VGLL4: variants seen among roughly 807,000 people sequenced by gnomAD.
VGLL4 encodes vestigial like family member 4, also known as transcription cofactor vestigial-like protein 4.
In VGLL4, 7 loss-of-function variants were observed where a neutral mutation model predicts 21.0. That is an observed-to-expected ratio of 0.33 (90% CI 0.19 to 0.63). The LOEUF is 0.63. Ranked by LOEUF, VGLL4 falls within the 20% of genes least tolerant of loss-of-function variation. VGLL4 has a pLI of 0.78. For missense variants in VGLL4, 394 were observed against 425.7 expected (o/e 0.93, Z 0.66); for synonymous variants, 222 against 173.2 (o/e 1.28, Z -2.21).
At chr3:11,617,362 C>A (rs1003127466) in intron 1 of VGLL4, among the ~76,000 whole-genome samples, 1 of 152,166 alleles carries the variant, frequency 6.6e-6, no homozygotes, top group East Asian at 1.9e-4. Flanking sequence ...GCTCTGAACA[C>A]AGGTGAACGG....
chr3:11,592,133 C>T (rs1575426126), intron 2 of VGLL4, among the ~76,000 whole-genome samples: 1 of 152,320 alleles, frequency 6.6e-6, no homozygotes, highest in East Asian at 1.9e-4. Flanking sequence ...GGATTCCATT[C>T]CATAGGCTTT....
chr3:11,615,685 A>G (rs1305281259), intron 1 of VGLL4, among the ~76,000 whole-genome samples: 1 of 152,080 alleles, frequency 6.6e-6, no homozygotes, highest in East Asian at 1.9e-4. Flanking sequence ...TTTATTTCCC[A>G]TACTCATTTA....
At chr3:11,636,183 AC>A (rs2075583155) in intron 1 of VGLL4, among the ~76,000 whole-genome samples, 1 of 152,104 alleles carries the variant, frequency 6.6e-6, no homozygotes, top group Admixed American at 6.5e-5. Context: ...TGCACTCATC[AC>A]TCCCTTAACT....
rs1242573848 is a variant in VGLL4 at position 11,661,654 on chromosome 3, T to A, written c.64+41317A>T. 3.3e-5 allele frequency among the ~76,000 whole-genome samples: 5 copies of A among 151,960 alleles called. No homozygotes were observed. In the East Asian group the frequency reaches 9.7e-4, roughly 29 times the overall value. On this transcript the variant is annotated intron_variant, in intron 2 of 5. Coordinates refer to the VGLL4 transcript ENST00000273038. ...GCCCAGCTAATTTTTGTGTTTTTAG[T>A]AGAGATGGGGTTTTGCCGTGTTGGC...
chr3:11,709,435 T>TCAAAAAAAAAAAAAAAAAAAAAAA lies in VGLL4; in HGVS notation c.-13-6389_-13-6388insTTTTTTTTTTTTTTTTTTTTTTTG, dbSNP rs1228813940. On this transcript the variant is annotated intron_variant, in intron 1 of 5. Transcript: ENST00000273038. Reference sequence around the variant, plus strand: ...CCAGGGAACAGTGCAAGACTCCGTCTAAAAAAAAAAAAAAAAAAAAAAAAA... The same window carrying TCAAAAAAAAAAAAAAAAAAAAAAA: ...CCAGGGAACAGTGCAAGACTCCGTCTCAAAAAAAAAAAAAAAAAAAAAAAAAAAAAAAAAAAAAAAAAAAAAAAA... Among the ~76,000 whole-genome samples, 2 of 108,836 alleles carry TCAAAAAAAAAAAAAAAAAAAAAAA rather than the reference T, an allele frequency of 1.8e-5. 1 individual carries two copies. Among genetic ancestry groups the TCAAAAAAAAAAAAAAAAAAAAAAA allele is most frequent in the African/African-American group, 6.7e-5 (2 of 29,838 alleles). The allele number at this position is 108,836 out of a possible 152,430, so 71.4% of individuals were successfully genotyped here. A position where few individuals can be genotyped will look rare whatever the true frequency, so the allele number is the denominator to read the frequency against.
intron 2 of VGLL4, among the ~76,000 whole-genome samples, chr3:11,658,258 G>A (rs1403013705): frequency 1.3e-5 from 2 of 152,056 alleles, no homozygotes; most frequent in Non-Finnish European, 2.9e-5. Flanking sequence ...AAGAGGGAGA[G>A]AAATGAGCAA....
intron 2 of VGLL4, among the ~76,000 whole-genome samples, chr3:11,654,025 A>C (rs1266108019): frequency 6.6e-6 from 1 of 152,132 alleles, no homozygotes; most frequent in Non-Finnish European, 1.5e-5. Flanking sequence ...GGTGTTGTTA[A>C]CATCTAGTGG....
At chr3:11,594,602 C>G (rs1374393701) in intron 2 of VGLL4, among the ~76,000 whole-genome samples, 1 of 152,188 alleles carries the variant, frequency 6.6e-6, no homozygotes, top group Non-Finnish European at 1.5e-5. Flanking sequence ...ACTCTCACAA[C>G]CGATATGAAT....
intron 1 of VGLL4, among the ~76,000 whole-genome samples, chr3:11,641,012 G>A (rs2075678110): frequency 6.6e-6 from 1 of 151,730 alleles, no homozygotes; most frequent in Admixed American, 6.6e-5. Flanking sequence ...AGCTACTCAG[G>A]AGGCTGTGGC....
upstream of VGLL4, among the ~76,000 whole-genome samples, chr3:11,721,601 G>A (rs1376708171): frequency 6.6e-6 from 1 of 152,202 alleles, no homozygotes; most frequent in East Asian, 1.9e-4. Context: ...CTCGGACTAG[G>A]AAAAGAGAAA....
At chr3:11,681,712 G>T (rs1441731410) in intron 2 of VGLL4, among the ~76,000 whole-genome samples, 2 of 152,190 alleles carry the variant, frequency 1.3e-5, no homozygotes, top group African/African-American at 4.8e-5. Context: ...GAAGGAAGGG[G>T]CCTACAGAGG....
At chr3:11,707,498 T>C (rs2076779315) in intron 1 of VGLL4, among the ~76,000 whole-genome samples, 2 of 151,432 alleles carry the variant, frequency 1.3e-5, no homozygotes, top group Admixed American at 6.6e-5. Flanking sequence ...GACCAAGCAT[T>C]ATCTAGCCAT....
rs2073663209 is a variant in VGLL4, at chr3:11,568,972, G to C, written c.273-3953C>G. On this transcript the variant is annotated intron_variant, in intron 2 of 4. Transcript: ENST00000430365. This position sits in a 1 kb window ranked among gnomAD's most constrained non-coding sequence, Gnocchi z 5.9. ...GAGAAAGATGGAAAGAGGAGGGAGG[G>C]AAAGAGAGGCCTACAACACCATCAT... is the stretch of plus-strand genomic sequence containing the variant. 4.3e-6 allele frequency: 5 copies of C among 1,166,354 alleles called. No individual in the cohort carries two copies. Among genetic ancestry groups the C allele is most frequent in the Non-Finnish European group, 4.3e-6 (4 of 937,226 alleles). 72.3% of individuals were successfully genotyped at this position (1,166,354 alleles called of 1,614,324 possible).
At chr3:11,702,962 C>T (rs202004717) in intron 2 of VGLL4, 9 of 1,609,608 alleles carry the variant, frequency 5.6e-6, no homozygotes, top group African/African-American at 1.3e-5. Context: ...TAATAGACTC[C>T]TCACTTACGT....
At chr3:11,592,812 T>TA (rs2074534257) in intron 2 of VGLL4, among the ~76,000 whole-genome samples, 1 of 152,136 alleles carries the variant, frequency 6.6e-6, no homozygotes, top group African/African-American at 2.4e-5. Flanking sequence ...GGGATAACGA[T>TA]AGTCTCCACC....
chr3:11,666,549 A>G (rs1036054722), intron 2 of VGLL4, among the ~76,000 whole-genome samples: 4 of 152,248 alleles, frequency 2.6e-5, no homozygotes, highest in African/African-American at 9.6e-5. Flanking sequence ...AAAAGTGATC[A>G]GATGTGAGAT....
intron 2 of VGLL4, among the ~76,000 whole-genome samples, chr3:11,567,616 G>C (rs2073596818): frequency 6.6e-6 from 1 of 152,192 alleles, no homozygotes; most frequent in Non-Finnish European, 1.5e-5. Context: ...CGATTCAGAA[G>C]ACAGCACAGG....
At chr3:11,709,381 G>A (rs1400503770) in intron 1 of VGLL4, among the ~76,000 whole-genome samples, 1 of 149,098 alleles carries the variant, frequency 6.7e-6, no homozygotes, top group Non-Finnish European at 1.5e-5. Context: ...AGGTTGCAGT[G>A]AGCCGAGATT....
chr3:11,629,202 TCAATAGTG>T (rs1483139340), intron 1 of VGLL4, among the ~76,000 whole-genome samples: 1 of 152,222 alleles, frequency 6.6e-6, no homozygotes, highest in Non-Finnish European at 1.5e-5. Context: ...AAGACTGAAA[TCAATAGTG>T]CAATATGGTT....
Sources: gnomAD v4.1 joint callset for allele counts (sites outside exome capture counted in the v4.1 genomes callset) on GRCh38, gnomAD v4.1.1 for gene constraint, Gnocchi (gnomAD v3.1) non-coding constraint, MANE v1.5 for transcripts, NCBI Gene and HGNC (gene_info 2026-07-23, HGNC 2026-07-21) for gene names.